Variants in TTC6 observed in about 807,000 individuals in gnomAD.
TTC6 encodes tetratricopeptide repeat domain 6, also known as tetratricopeptide repeat protein 6.
A neutral mutation model predicts 210.4 loss-of-function variants in TTC6; 172 were observed. The ratio of observed to expected loss-of-function variants is 0.82; its 90% CI spans 0.72 to 0.93. The LOEUF (loss-of-function observed/expected upper bound fraction) is 0.93, where lower values mean the gene tolerates loss of function less well. Among genes scored for constraint, TTC6 ranks in the 40% least tolerant of loss-of-function variants. The pLI, the probability that TTC6 is intolerant of heterozygous loss-of-function variation, is 0.00. For synonymous variants in TTC6, 804 were observed against 819.6 expected, an observed-to-expected ratio of 0.98 and a Z score of 0.32; for missense variants, 2,414 against 2,318.1, an observed-to-expected ratio of 1.04 and a Z score of -0.85.
At chr14:37,642,225 G>A (rs1008734001) in intron 1 of TTC6, among the ~76,000 whole-genome samples, 2 of 152,186 alleles carry the variant, frequency 1.3e-5, no homozygotes, top group African/African-American at 2.4e-5. Context: ...GGCCTGAGGA[G>A]GGTCAGCAAG....
exon 1 of TTC6, chr14:37,622,592 G>T (rs1420229829): frequency 6.5e-6 from 10 of 1,534,256 alleles, no homozygotes; most frequent in Non-Finnish European, 8.7e-6. Flanking sequence ...CGGCTCCCAG[G>T]CGGGTCTTCC....
At chr14:37,618,415 G>A (rs1302057722), upstream of TTC6, among the ~76,000 whole-genome samples, 1 of 152,126 alleles carries the variant, frequency 6.6e-6, no homozygotes, top group East Asian at 1.9e-4. Context: ...TAAAGTGTAG[G>A]GTAAACATAA....
intron 4 of TTC6, among the ~76,000 whole-genome samples, chr14:37,700,750 CAAAAAAAAA>C (rs35091344): frequency 8.0e-5 from 5 of 62,276 alleles, no homozygotes; most frequent in South Asian, 8.4e-4. Flanking sequence ...CTCCATCTCA[CAAAAAAAAA>C]AAAAAAAAAA....
At chr14:37,789,193 G>A (rs1301566974) in intron 15 of TTC6, among the ~76,000 whole-genome samples, 1 of 152,170 alleles carries the variant, frequency 6.6e-6, no homozygotes, top group Non-Finnish European at 1.5e-5. Flanking sequence ...TACTTGCAAA[G>A]TGCTGTTTAA....
chr14:37,814,386 C>T (rs8018889), intron 25 of TTC6, among the ~76,000 whole-genome samples: 18,696 of 151,900 alleles, frequency 0.12, 1,399 homozygotes, highest in African/African-American at 0.21. Flanking sequence ...ATGTGACCTC[C>T]TCAGTCAAAA....
intron 10 of TTC6, among the ~76,000 whole-genome samples, chr14:37,743,807 T>C (rs965340197): frequency 2.6e-5 from 4 of 152,210 alleles, no homozygotes; most frequent in Non-Finnish European, 5.9e-5. Context: ...CTGCAGTTTC[T>C]CTGCCTAGTA....
chr14:37,680,344 T>C, intron 2 of TTC6, 83 bp downstream of exon 4: 1 of 879,774 alleles, frequency 1.1e-6, no homozygotes. Context: ...TATAGAGAGT[T>C]AAAAAAATTT....
intron 25 of TTC6, 33 bp from the exon 28 acceptor site, chr14:37,817,545 C>A (rs984716708): frequency 6.2e-7 from 1 of 1,602,362 alleles, no homozygotes; most frequent in Non-Finnish European, 8.5e-7. Context: ...AATAATGTTG[C>A]AAAATTAACA....
At chr14:37,747,270 C>T (rs1308216733) in intron 10 of TTC6, among the ~76,000 whole-genome samples, 3 of 152,106 alleles carry the variant, frequency 2.0e-5, no homozygotes, top group African/African-American at 7.2e-5. Flanking sequence ...TTTCCTGAGT[C>T]CATCCCTGGT....
At chr14:37,720,168 T>C (rs535301394) in intron 6 of TTC6, among the ~76,000 whole-genome samples, 23 of 152,106 alleles carry the variant, frequency 1.5e-4, no homozygotes, top group African/African-American at 5.1e-4. Context: ...TAAAATAAAA[T>C]AATAGTGATA....
chr14:37,774,570 A>C (rs373741642), intron 14 of TTC6, among the ~76,000 whole-genome samples: 2 of 152,222 alleles, frequency 1.3e-5, no homozygotes, highest in Non-Finnish European at 2.9e-5. Context: ...ACAACCTTGC[A>C]TCTCAGGGAT....
chr14:37,612,840 G>T (rs73264945), intron 2 of TTC6, among the ~76,000 whole-genome samples: 4 of 152,080 alleles, frequency 2.6e-5, no homozygotes, highest in East Asian at 3.8e-4. Flanking sequence ...ACTGTGTATT[G>T]TGCAACCTTG....
intron 1 of TTC6, among the ~76,000 whole-genome samples, chr14:37,649,990 A>T (rs1420088893): frequency 3.9e-5 from 6 of 152,182 alleles, no homozygotes; most frequent in Admixed American, 3.9e-4. Context: ...TCATCTTTAG[A>T]TACTGACTTT....
rs145902833 is a variant in TTC6 at position 37,821,924 on chromosome 14, G to A, written c.4764-1823G>A. Among the ~76,000 whole-genome samples, 502 of 151,816 alleles carry A rather than the reference G, an allele frequency of 3.3e-3. 1 individual carries two copies. Among genetic ancestry groups the A allele is most frequent in the Middle Eastern group, 0.01 (3 of 292 alleles). ...GCCTCCCGAGTAGCTGGGACTACAG[G>A]GGCCTGCCACCACGCTTTGCTAATT... On this transcript the variant is annotated intron_variant, in intron 26 of 30. Transcript: ENST00000553443.
Position 37,751,227 on chromosome 14 carries a change from T to C in TTC6, c.3129+2T>C. 5 of 1,518,996 alleles carry C rather than the reference T, an allele frequency of 3.3e-6. No homozygotes were observed. In the South Asian group the frequency reaches 6.2e-5, roughly 19 times the overall value. 94.1% of individuals were successfully genotyped at this position (1,518,996 alleles called of 1,614,324 possible). On this transcript the variant is annotated splice_donor_variant, in intron 13 of 30. Transcript: ENST00000553443. LOFTEE classifies it high-confidence loss of function. ...CTGGCCATTGATGACTTTTCGAAAG[T>C]AAGCTTTATCACATATAATTCTACC...
At chr14:37,608,476 A>T (rs148662703) in intron 2 of TTC6, among the ~76,000 whole-genome samples, 2 of 151,930 alleles carry the variant, frequency 1.3e-5, no homozygotes, top group Admixed American at 6.6e-5. Flanking sequence ...CACCTGGCTA[A>T]TTTTTTTGCC....
chr14:37,831,798 T>G (rs1025119511), intron 29 of TTC6, among the ~76,000 whole-genome samples: 1 of 152,102 alleles, frequency 6.6e-6, no homozygotes, highest in African/African-American at 2.4e-5. Flanking sequence ...TTTTTGTTGC[T>G]GTTGTTTGAG....
intron 1 of TTC6, among the ~76,000 whole-genome samples, chr14:37,652,914 C>G (rs2095715606): frequency 6.6e-6 from 1 of 152,190 alleles, no homozygotes; most frequent in Non-Finnish European, 1.5e-5. Context: ...TTTCCTTTGT[C>G]AAGTAGCTGC....
chr14:37,680,868 G>A (rs1285527632), intron 2 of TTC6, among the ~76,000 whole-genome samples: 1 of 152,078 alleles, frequency 6.6e-6, no homozygotes, highest in East Asian at 1.9e-4. Context: ...TAAATAACAA[G>A]CTCCTGTGGT....
Sources: allele counts gnomAD v4.1 joint callset (sites outside exome capture counted in the v4.1 genomes callset), GRCh38; gene constraint gnomAD v4.1.1; transcripts MANE v1.5; gene names NCBI Gene and HGNC (gene_info 2026-07-23, HGNC 2026-07-21).